The following RASGEF1C variants were observed in gnomAD, a reference collection of about 807,000 sequenced individuals.
The protein encoded by RASGEF1C is RasGEF domain family member 1C, also known as ras-GEF domain-containing family member 1C.
RASGEF1C carries 27 observed loss-of-function variants against 58.1 expected under a neutral mutation model. The ratio of observed to expected loss-of-function variants is 0.46; its 90% CI spans 0.34 to 0.64. The LOEUF is 0.64. Ranked by LOEUF, RASGEF1C falls within the 30% of genes least tolerant of loss-of-function variation. The probability of loss-of-function intolerance (pLI) is 0.01; values close to 1 mark genes in which losing one functional copy is unlikely to be tolerated. For synonymous variants in RASGEF1C, 243 were observed against 246.3 expected, an observed-to-expected ratio of 0.99 and a Z score of 0.13; for missense variants, 502 against 605.1, an observed-to-expected ratio of 0.83 and a Z score of 1.79.
chr5:180,200,602 C>T (rs1332421722), intron 1 of RASGEF1C, among the ~76,000 whole-genome samples: 8 of 152,130 alleles, frequency 5.3e-5, no homozygotes, highest in African/African-American at 1.9e-4. Context: ...CGTGAGCCAC[C>T]GCGCCCAGCC....
intron 3 of RASGEF1C, 142 bp from the exon 4 acceptor site, chr5:180,136,657 G>C: frequency 1.2e-6 from 1 of 860,004 alleles, no homozygotes; most frequent in Non-Finnish European, 1.8e-6. Flanking sequence ...AGGGGGGTGC[G>C]ATCCTGCTCT....
At chr5:180,151,295 T>C (rs1766742182) in intron 1 of RASGEF1C, among the ~76,000 whole-genome samples, 1 of 152,236 alleles carries the variant, frequency 6.6e-6, no homozygotes, top group Non-Finnish European at 1.5e-5. Context: ...ACTGGAGGCA[T>C]CATGCTACCT....
At chr5:180,134,115 C>G (rs1766426405) in intron 4 of RASGEF1C, among the ~76,000 whole-genome samples, 1 of 152,200 alleles carries the variant, frequency 6.6e-6, no homozygotes, top group South Asian at 2.1e-4. Flanking sequence ...CATCCCAAAC[C>G]ATTCTGCGCC....
chr5:180,109,265 G>A (rs1486579999), intron 12 of RASGEF1C, among the ~76,000 whole-genome samples: 1 of 152,048 alleles, frequency 6.6e-6, no homozygotes, highest in Non-Finnish European at 1.5e-5. Context: ...GACCATCCTG[G>A]CTAACATGGT....
chr5:180,166,860 C>T (rs1301222922), intron 1 of RASGEF1C, among the ~76,000 whole-genome samples: 1 of 152,178 alleles, frequency 6.6e-6, no homozygotes, highest in Admixed American at 6.5e-5. Context: ...GTTGATAGTT[C>T]TTTTCTTTTA....
chr5:180,103,762 A>T (rs1765835084), intron 12 of RASGEF1C, among the ~76,000 whole-genome samples: 1 of 152,226 alleles, frequency 6.6e-6, no homozygotes, highest in South Asian at 2.1e-4. Context: ...TATTGGTCTT[A>T]CGAGGAAAGC....
rs763586644 is a variant in RASGEF1C at position 180,128,291 on chromosome 5, C to A, written c.639+119G>T. On this transcript the variant is annotated intron_variant, in intron 5 of 13. Transcript: ENST00000361132. ...CAAGGGGCCCAGTGCATGCTCGAGGCTAGGCCAGGGCCTCCTTCACAAGCT... is the reference window on the plus strand; with the variant it reads ...CAAGGGGCCCAGTGCATGCTCGAGGATAGGCCAGGGCCTCCTTCACAAGCT... 9.3e-6 allele frequency: 9 copies of A among 963,156 alleles called. No individual in the cohort carries two copies. In the South Asian group the frequency reaches 1.2e-4, roughly 13 times the overall value. The allele number at this position is 963,156 out of a possible 1,614,324, so 59.7% of individuals were successfully genotyped here.
chr5:180,154,636 A>G lies in RASGEF1C; in HGVS notation c.-6-16578T>C, dbSNP rs1016796586. On this transcript the variant is annotated intron_variant, in intron 1 of 13. Coordinates refer to ENST00000361132, the MANE Select transcript of RASGEF1C (RefSeq NM_175062.4). ...CGCTCTGTCGCCCAGCCTGGAGTGC[A>G]GTGGTGCAAACTCAGCTCACTGCAA... Among the ~76,000 whole-genome samples the G allele has an allele frequency of 8.8e-5, 13 of 147,986 alleles. No homozygotes were observed. In the East Asian group the frequency reaches 2.6e-3, roughly 30 times the overall value.
intron 3 of RASGEF1C, 118 bp from the exon 4 acceptor site, chr5:180,136,633 T>G (rs1867454): frequency 0.54 from 622,325 of 1,149,410 alleles, 174,105 homozygotes; most frequent in East Asian, 0.76. Flanking sequence ...GCCCTCTCTG[T>G]GCCAGGGAGG....
At chr5:180,103,262 A>G (rs113510445) in intron 12 of RASGEF1C, among the ~76,000 whole-genome samples, 1 of 152,068 alleles carries the variant, frequency 6.6e-6, no homozygotes, top group Non-Finnish European at 1.5e-5. Flanking sequence ...TATTTTTAGT[A>G]GAGATGGGGT....
intron 1 of RASGEF1C, among the ~76,000 whole-genome samples, chr5:180,195,545 G>A (rs1433338821): frequency 1.3e-5 from 2 of 152,244 alleles, no homozygotes; most frequent in South Asian, 2.1e-4. Flanking sequence ...TGCATCACGA[G>A]GTCAGGAGAT....
chr5:180,182,581 T>C (rs1767365314), intron 1 of RASGEF1C, among the ~76,000 whole-genome samples: 2 of 152,178 alleles, frequency 1.3e-5, no homozygotes, highest in Admixed American at 6.5e-5. Flanking sequence ...ATAGTGTTGA[T>C]TGGTGCATTT....
At chr5:180,182,269 G>A (rs1227702352) in intron 1 of RASGEF1C, among the ~76,000 whole-genome samples, 2 of 145,972 alleles carry the variant, frequency 1.4e-5, no homozygotes. Context: ...GTGTTACACA[G>A]CTCTTAAAGG....
Position 180,121,671 on chromosome 5 carries a change from ACACACACACAC to A in RASGEF1C, c.715-533_715-523del, listed in dbSNP as rs1766178246. Among the ~76,000 whole-genome samples the A allele has an allele frequency of 1.5e-4, 7 of 48,274 alleles. 1 individual carries two copies. Among genetic ancestry groups the A allele is most frequent in the African/African-American group, 4.2e-4 (7 of 16,684 alleles). The allele number at this position is 48,274 out of a possible 152,430, so 31.7% of individuals were successfully genotyped here. ...CACACACACACACACACACACACAC[ACACACACACAC>A]CCTCATTATTCCTGGATCCTGTATT... On this transcript the variant is annotated intron_variant, in intron 6 of 13. Transcript: ENST00000361132.
At chr5:180,134,882 T>C in intron 4 of RASGEF1C, among the ~76,000 whole-genome samples, 1 of 354 alleles carries the variant, frequency 2.8e-3, no homozygotes, top group Non-Finnish European at 6.2e-3. Context: ...CCTACATTTC[T>C]CCCTCTCTTC....
chr5:180,192,845 C>T (rs1416167285), intron 1 of RASGEF1C, among the ~76,000 whole-genome samples: 12 of 150,832 alleles, frequency 8.0e-5, no homozygotes, highest in East Asian at 2.0e-4. Flanking sequence ...CCTGGGTTCA[C>T]GCCATTCTCC....
At chr5:180,165,976 C>A (rs1289753769) in intron 1 of RASGEF1C, among the ~76,000 whole-genome samples, 1 of 151,832 alleles carries the variant, frequency 6.6e-6, no homozygotes, top group East Asian at 2.0e-4. Flanking sequence ...GTCTTGATCT[C>A]CTGACCTCGT....
intron 1 of RASGEF1C, among the ~76,000 whole-genome samples, chr5:180,173,849 T>A (rs60112264): frequency 1.3e-5 from 2 of 150,180 alleles, no homozygotes; most frequent in African/African-American, 2.5e-5. Flanking sequence ...GGAGGCGGAG[T>A]TTGCAGTGAG....
chr5:180,181,442 A>G (rs113426147), intron 1 of RASGEF1C, among the ~76,000 whole-genome samples: 2,299 of 152,320 alleles, frequency 0.015, 27 homozygotes, highest in Middle Eastern at 0.027. Context: ...GGGTCACTGC[A>G]AATGTAATGA....
Sources: allele counts gnomAD v4.1 joint callset (sites outside exome capture counted in the v4.1 genomes callset), GRCh38; gene constraint gnomAD v4.1.1; transcripts MANE v1.5; gene names NCBI Gene and HGNC (gene_info 2026-07-23, HGNC 2026-07-21).